USP48: variants seen among roughly 807,000 people sequenced by gnomAD.
The protein encoded by USP48 is ubiquitin specific peptidase 48, also known as ubiquitin carboxyl-terminal hydrolase 48.
USP48 carries 43 observed loss-of-function variants against 150.7 expected under a neutral mutation model. That is an observed-to-expected ratio of 0.29 (90% CI 0.22 to 0.37). The LOEUF is 0.37. Ranked by LOEUF, USP48 falls within the 10% of genes least tolerant of loss-of-function variation. The probability of loss-of-function intolerance (pLI) is 1.00; values close to 1 mark genes in which losing one functional copy is unlikely to be tolerated. For synonymous variants in USP48, 396 were observed against 425.9 expected (o/e 0.93, Z 0.86); for missense variants, 813 against 1,249.6 (o/e 0.65, Z 5.27).
rs1281211816 is a variant in USP48 at position 21,705,738 on chromosome 1, T to C, written c.2373A>G (p.Glu791=). 6.2e-7 allele frequency: 1 copy of C among 1,603,232 alleles called. No individual in the cohort carries two copies. Among genetic ancestry groups the C allele is most frequent in the Admixed American group, 1.8e-5 (1 of 56,992 alleles). ...LMFTFASMTK[E]DSKLIALIWP... The stretch of plus-strand genomic sequence containing the variant: ...GAGAAGGAACTCACAGTTTAGAATC[T>C]TCTTTGGTCATGGAAGCAAATGTAA... Residue 791 remains glutamate (E), a synonymous_variant, in exon 19 of 27, where the codon GAA becomes GAG. Coordinates refer to ENST00000308271, the MANE Select transcript of USP48 (RefSeq NM_032236.8).
At chr1:21,690,185 TAAAA>T in intron 23 of USP48, 86 bp from the exon 24 acceptor site, 2 of 1,060,034 alleles carry the variant, frequency 1.9e-6, no homozygotes, top group Non-Finnish European at 1.3e-6. Flanking sequence ...CATGGATTCT[TAAAA>T]AAAAAAAAAA....
At chr1:21,765,360 A>G (rs554084783) in intron 1 of USP48, among the ~76,000 whole-genome samples, 2 of 152,278 alleles carry the variant, frequency 1.3e-5, no homozygotes, top group South Asian at 4.2e-4. Context: ...TCATGCCTGT[A>G]ATCCCAGCAT....
chr1:21,690,337 C>T lies in USP48; in HGVS notation c.2884-238G>A, dbSNP rs546295115. Reference sequence around the variant, plus strand: ...TAGGAAACAATTACACATATAGATGCGTTTGTTCCTTACCTTACCAGCTTC... The same window carrying T: ...TAGGAAACAATTACACATATAGATGTGTTTGTTCCTTACCTTACCAGCTTC... On this transcript the variant is annotated intron_variant, in intron 23 of 26. Transcript: ENST00000308271. 2.0e-5 allele frequency among the ~76,000 whole-genome samples: 3 copies of T among 152,048 alleles called. No individual in the cohort carries two copies. The South Asian group carries it at 6.3e-4, about 32-fold the overall frequency.
intron 1 of USP48, among the ~76,000 whole-genome samples, chr1:21,769,383 GGGGTGGAGGGT>G (rs2097872461): frequency 1.3e-5 from 2 of 151,926 alleles, no homozygotes; most frequent in Non-Finnish European, 2.9e-5. Flanking sequence ...GTCTTACTTG[GGGGTGGAGGGT>G]GGGAGGAGGG....
chr1:21,757,237 G>A (rs1017554876), intron 2 of USP48, among the ~76,000 whole-genome samples: 4 of 151,844 alleles, frequency 2.6e-5, no homozygotes, highest in Non-Finnish European at 5.9e-5. Context: ...TGGATATTTC[G>A]TGAATGCTAA....
At chr1:21,714,778 A>G (rs540695259) in intron 15 of USP48, among the ~76,000 whole-genome samples, 12 of 152,376 alleles carry the variant, frequency 7.9e-5, no homozygotes, top group Non-Finnish European at 1.3e-4. Flanking sequence ...GGATTAAATA[A>G]GGATTTAGAA....
chr1:21,735,714 C>A (rs1025291016), intron 9 of USP48, among the ~76,000 whole-genome samples: 4 of 152,162 alleles, frequency 2.6e-5, no homozygotes, highest in Admixed American at 2.0e-4. Context: ...CATTGTGAAA[C>A]CTTGTCTCTA....
intron 1 of USP48, among the ~76,000 whole-genome samples, chr1:21,760,657 A>G (rs1002797793): frequency 2.0e-5 from 3 of 152,014 alleles, no homozygotes; most frequent in African/African-American, 7.3e-5. Context: ...GGGAGGGTGC[A>G]GTGAGCCGAG....
intron 15 of USP48, among the ~76,000 whole-genome samples, chr1:21,712,450 T>C (rs2097692799): frequency 6.6e-6 from 1 of 151,966 alleles, no homozygotes; most frequent in Admixed American, 6.6e-5. Flanking sequence ...AATTGCCCAC[T>C]ATAATCCTCC....
intron 1 of USP48, among the ~76,000 whole-genome samples, chr1:21,776,432 GAAGA>G (rs1463499863): frequency 1.3e-5 from 2 of 151,844 alleles, no homozygotes; most frequent in Non-Finnish European, 2.9e-5. Context: ...CTTGCAAAGA[GAAGA>G]AATAAACAAA....
At chr1:21,756,369 T>C (rs2097834716) in intron 3 of USP48, among the ~76,000 whole-genome samples, 177 bp downstream of exon 3, 1 of 150,986 alleles carries the variant, frequency 6.6e-6, no homozygotes, top group African/African-American at 2.4e-5. Flanking sequence ...TAATCCCAGC[T>C]TCTCAAGAGG....
At chr1:21,737,384 T>C (rs77803961) in intron 8 of USP48, among the ~76,000 whole-genome samples, 3,095 of 152,322 alleles carry the variant, frequency 0.02, 41 homozygotes, top group Middle Eastern at 0.048. Flanking sequence ...TGCACTCAGA[T>C]TTCTTCGTAT....
chr1:21,748,082 G>A, intron 7 of USP48, 56 bp downstream of exon 7: 1 of 1,523,862 alleles, frequency 6.6e-7, no homozygotes, highest in East Asian at 2.4e-5. Flanking sequence ...CTATGGTAAA[G>A]TCTGTACATA....
chr1:21,757,085 A>G, intron 2 of USP48: 1 of 816,254 alleles, frequency 1.2e-6, no homozygotes, highest in Non-Finnish European at 1.5e-6. Context: ...ACTTATGCAG[A>G]AAACTTCCTT....
intron 1 of USP48, among the ~76,000 whole-genome samples, chr1:21,776,592 CAAAAA>C (rs59309344): frequency 6.2e-4 from 36 of 58,010 alleles, no homozygotes; most frequent in South Asian, 3.2e-3. Flanking sequence ...TGTCTTGTCT[CAAAAA>C]AAAAAAAAAA....
chr1:21,753,951 G>A (rs539491260), intron 3 of USP48, among the ~76,000 whole-genome samples: 4 of 148,528 alleles, frequency 2.7e-5, no homozygotes, highest in East Asian at 2.0e-4. Context: ...TCACAAGGTC[G>A]GGAGTTCCAG....
intron 1 of USP48, among the ~76,000 whole-genome samples, chr1:21,760,863 G>A (rs1460033291): frequency 6.6e-6 from 1 of 152,190 alleles, no homozygotes; most frequent in African/African-American, 2.4e-5. Flanking sequence ...GGGAGGCTGA[G>A]GCAGGCGATC....
intron 13 of USP48, among the ~76,000 whole-genome samples, 172 bp from the exon 14 acceptor site, chr1:21,721,338 T>C (rs2097720378): frequency 6.6e-6 from 1 of 152,268 alleles, no homozygotes; most frequent in Non-Finnish European, 1.5e-5. Context: ...TGTTCACTAT[T>C]GAACTGCAGG....
chr1:21,777,128 A>C (rs2097901801), intron 1 of USP48, among the ~76,000 whole-genome samples: 1 of 151,526 alleles, frequency 6.6e-6, no homozygotes. Flanking sequence ...AAAAAAACAA[A>C]ACACCAAAAA....
Sources: gnomAD v4.1 joint callset for allele counts (sites outside exome capture counted in the v4.1 genomes callset) on GRCh38, gnomAD v4.1.1 for gene constraint, MANE v1.5 for transcripts, NCBI Gene and HGNC (gene_info 2026-07-23, HGNC 2026-07-21) for gene names.